VPS45: variants seen among roughly 807,000 people sequenced by gnomAD.
VPS45 encodes the protein vacuolar protein sorting-associated protein 45.
VPS45 carries 35 observed loss-of-function variants against 75.9 expected under a neutral mutation model. That is an observed-to-expected ratio of 0.46 (90% CI 0.35 to 0.61). VPS45 has a LOEUF of 0.61. VPS45 is among the 20% of genes least tolerant of loss of function. VPS45 has a pLI of 0.00. For missense variants in VPS45, 559 were observed against 685.9 expected, an observed-to-expected ratio of 0.81 and a Z score of 2.07; for synonymous variants, 220 against 238.2, an observed-to-expected ratio of 0.92 and a Z score of 0.70.
At chr1:150,101,367 G>T (rs1656979900) in intron 13 of VPS45, among the ~76,000 whole-genome samples, 1 of 151,762 alleles carries the variant, frequency 6.6e-6, no homozygotes, top group African/African-American at 2.4e-5. Context: ...CAGTATCACT[G>T]ATCATTAGAG....
intron 10 of VPS45, among the ~76,000 whole-genome samples, chr1:150,083,668 A>ATT (rs1553800004): frequency 6.7e-5 from 10 of 148,172 alleles, no homozygotes; most frequent in African/African-American, 2.2e-4. Context: ...ATATATATAT[A>ATT]TTTTCTATAT....
chr1:150,144,582 A>G lies in VPS45; in HGVS notation c.1626-127A>G. The G allele has an allele frequency of 1.8e-5, 14 of 776,462 alleles. No homozygotes were observed. In the South Asian group the frequency reaches 2.1e-4, roughly 11 times the overall value. The allele number at this position is 776,462 out of a possible 1,614,324, so 48.1% of individuals were successfully genotyped here. The stretch of plus-strand genomic sequence containing the variant: ...TGATGCTTCCATTCTATACCCAAAT[A>G]TCAGACCAGTACCTCCTGCCTACTA... On this transcript the variant is annotated intron_variant, in intron 14 of 14. Coordinates refer to ENST00000644510, the MANE Select transcript of VPS45 (RefSeq NM_007259.5).
At chr1:150,115,407 T>C (rs1262859042) in intron 14 of VPS45, among the ~76,000 whole-genome samples, 1 of 152,240 alleles carries the variant, frequency 6.6e-6, no homozygotes, top group Non-Finnish European at 1.5e-5. Context: ...ATGTTTTTGT[T>C]AGTATCCTCT....
intron 14 of VPS45, among the ~76,000 whole-genome samples, chr1:150,115,185 A>G (rs1657865606): frequency 6.6e-6 from 1 of 151,942 alleles, no homozygotes; most frequent in Non-Finnish European, 1.5e-5. Flanking sequence ...TTAAACCTTC[A>G]TCTATTCTTC....
At chr1:150,128,295 C>G (rs994743274) in intron 14 of VPS45, among the ~76,000 whole-genome samples, 3 of 63,416 alleles carry the variant, frequency 4.7e-5, no homozygotes, top group Admixed American at 2.0e-4. Context: ...GAATGGGACC[C>G]TTGTCTTAAA....
chr1:150,074,937 G>GA (rs1655282841), intron 3 of VPS45, among the ~76,000 whole-genome samples: 1 of 137,556 alleles, frequency 7.3e-6, no homozygotes, highest in South Asian at 2.4e-4. Flanking sequence ...GATTAAAAGT[G>GA]AAAAATAATT....
At chr1:150,141,773 C>T (rs1313004491) in intron 14 of VPS45, among the ~76,000 whole-genome samples, 4 of 152,010 alleles carry the variant, frequency 2.6e-5, no homozygotes, top group African/African-American at 9.7e-5. Context: ...TCTGAGAGTC[C>T]CTTAAGGTAG....
At chr1:150,070,484 C>T (rs782340434) in intron 2 of VPS45, among the ~76,000 whole-genome samples, 1 of 152,060 alleles carries the variant, frequency 6.6e-6, no homozygotes, top group Non-Finnish European at 1.5e-5. Flanking sequence ...TACTGTCTCT[C>T]GAACTCTTTT....
chr1:150,127,002 A>G (rs781923007), intron 14 of VPS45, among the ~76,000 whole-genome samples: 3 of 152,224 alleles, frequency 2.0e-5, no homozygotes, highest in Non-Finnish European at 4.4e-5. Context: ...CCTGATGTCA[A>G]CTGATGTTAT....
chr1:150,127,460 T>A (rs1658577409), intron 14 of VPS45, among the ~76,000 whole-genome samples: 1 of 152,170 alleles, frequency 6.6e-6, no homozygotes, highest in Admixed American at 6.6e-5. Context: ...GCTAACTTTT[T>A]ATTTTTTTCT....
At chr1:150,082,629 C>G (rs1655780686) in intron 9 of VPS45, 87 bp from the exon 10 acceptor site, 1 of 1,491,158 alleles carries the variant, frequency 6.7e-7, no homozygotes. Context: ...GAAAAACAAC[C>G]CCCGCTTTCC....
At chr1:150,117,254 G>A (rs1657987331) in intron 14 of VPS45, among the ~76,000 whole-genome samples, 1 of 151,536 alleles carries the variant, frequency 6.6e-6, no homozygotes. Flanking sequence ...AGGCATGGTG[G>A]GTCATGCCTG....
chr1:150,097,038 A>G (rs1007357468), intron 13 of VPS45, among the ~76,000 whole-genome samples: 1 of 151,822 alleles, frequency 6.6e-6, no homozygotes, highest in Admixed American at 6.6e-5. Flanking sequence ...GTGATATGCA[A>G]AGCTTTTTAA....
chr1:150,090,881 A>G (rs587629634), intron 10 of VPS45, among the ~76,000 whole-genome samples: 15 of 152,350 alleles, frequency 9.8e-5, no homozygotes, highest in Admixed American at 7.8e-4. Context: ...CTTTCCCCAT[A>G]TAGCATAACA....
intron 10 of VPS45, among the ~76,000 whole-genome samples, chr1:150,088,606 A>G (rs1656154779): frequency 1.4e-5 from 2 of 148,034 alleles, no homozygotes; most frequent in South Asian, 4.2e-4. Context: ...CAGCCTCCCC[A>G]GTAGCTGGGA....
chr1:150,086,127 A>G (rs1656003368), intron 10 of VPS45, among the ~76,000 whole-genome samples: 1 of 152,136 alleles, frequency 6.6e-6, no homozygotes, highest in Admixed American at 6.6e-5. Context: ...ATAAATATTT[A>G]TTAGAAAAAT....
chr1:150,116,900 A>G (rs1407413336), intron 14 of VPS45, among the ~76,000 whole-genome samples: 1 of 152,118 alleles, frequency 6.6e-6, no homozygotes, highest in African/African-American at 2.4e-5. Flanking sequence ...TTAAACATAT[A>G]TATCTCCATT....
rs191314940 is a variant in VPS45 at position 150,101,974 on chromosome 1, C to T, written c.1493+8326C>T. Among the ~76,000 whole-genome samples, 69 of 152,144 alleles carry T rather than the reference C, an allele frequency of 4.5e-4. No homozygotes were observed. The East Asian group carries it at 9.7e-3, about 21-fold the overall frequency. On this transcript the variant is annotated intron_variant, in intron 13 of 14. Coordinates refer to ENST00000644510, the MANE Select transcript of VPS45 (RefSeq NM_007259.5). ...ACATGCAGCTGGACACGGTGGCTCACGCCTGTAATCCCAGCACTTTGGGAG... is the reference window on the plus strand; with the variant it reads ...ACATGCAGCTGGACACGGTGGCTCATGCCTGTAATCCCAGCACTTTGGGAG...
rs73011255 is a variant in VPS45 at position 150,108,827 on chromosome 1, G to C, written c.1494-1669G>C. Reference sequence around the variant, plus strand: ...TCCTATGAGAATCTAACGCCTCCACGGATCTAAGAGGAGGCAGAACTCAGG... The same window carrying C: ...TCCTATGAGAATCTAACGCCTCCACCGATCTAAGAGGAGGCAGAACTCAGG... On this transcript the variant is annotated intron_variant, in intron 13 of 14. Coordinates refer to ENST00000644510, the MANE Select transcript of VPS45 (RefSeq NM_007259.5). 8.9e-3 allele frequency among the ~76,000 whole-genome samples: 1,356 copies of C among 152,170 alleles called. 18 individuals carry two copies. Among genetic ancestry groups the C allele is most frequent in the African/African-American group, 0.032 (1,310 of 41,508 alleles).
Sources: gnomAD v4.1 joint callset for allele counts (sites outside exome capture counted in the v4.1 genomes callset) on GRCh38, gnomAD v4.1.1 for gene constraint, MANE v1.5 for transcripts, NCBI Gene and HGNC (gene_info 2026-07-23, HGNC 2026-07-21) for gene names.